Variants in ITPR2 observed in about 807,000 individuals in gnomAD.
The protein encoded by ITPR2 is inositol 1,4,5-trisphosphate-gated calcium channel ITPR2.
ITPR2 carries 207 observed loss-of-function variants against 317.1 expected under a neutral mutation model. That is an observed-to-expected ratio of 0.65 (90% confidence interval 0.58 to 0.73). The LOEUF (loss-of-function observed/expected upper bound fraction) is 0.73, where lower values mean the gene tolerates loss of function less well. ITPR2 is among the 30% of genes least tolerant of loss of function. ITPR2 has a pLI of 0.00. For missense variants in ITPR2, 2,613 were observed against 3,284.0 expected (o/e 0.80, Z 4.99); for synonymous variants, 1,156 against 1,149.1 (o/e 1.01, Z -0.12).
chr12:26,336,916 T>C lies in ITPR2; in HGVS notation c.*2481A>G, dbSNP rs1429464767. The C allele has an allele frequency of 6.6e-6, 1 of 152,008 alleles. No individual in the cohort carries two copies. The highest frequency in any genetic ancestry group is 1.5e-5 in the Non-Finnish European group (1 of 68,002). The allele number at this position is 152,008 out of a possible 1,614,324, so 9.4% of individuals were successfully genotyped here. On this transcript the variant is annotated 3_prime_UTR_variant, in exon 57 of 57. Coordinates refer to ENST00000381340, the MANE Select transcript of ITPR2 (RefSeq NM_002223.4). ...CAAATTTCCCCATTATCTTCTCCTC[T>C]TCTTCATTAGGAATTTGATGTTCTG...
intron 9 of ITPR2, among the ~76,000 whole-genome samples, chr12:26,700,730 G>C (rs942818299): frequency 6.6e-6 from 1 of 152,180 alleles, no homozygotes; most frequent in African/African-American, 2.4e-5. Context: ...CAAGGGGACA[G>C]AGGATGAAAA....
chr12:26,372,578 C>G (rs910101218), intron 55 of ITPR2, among the ~76,000 whole-genome samples: 1 of 152,180 alleles, frequency 6.6e-6, no homozygotes, highest in African/African-American at 2.4e-5. Context: ...CACAACAGCA[C>G]CCCTTCCATT....
chr12:26,813,944 C>A (rs1006352044), intron 1 of ITPR2, among the ~76,000 whole-genome samples: 2 of 152,176 alleles, frequency 1.3e-5, no homozygotes, highest in African/African-American at 4.8e-5. Context: ...CTCCGCCTAT[C>A]CATCATCCAC....
chr12:26,720,673 C>G (rs1161089484), intron 5 of ITPR2, among the ~76,000 whole-genome samples: 1 of 152,192 alleles, frequency 6.6e-6, no homozygotes, highest in Non-Finnish European at 1.5e-5. Flanking sequence ...CTTTCTGAAG[C>G]ACATCCAGAT....
chr12:26,532,369 AT>A (rs1943966353), intron 37 of ITPR2, among the ~76,000 whole-genome samples: 1 of 152,110 alleles, frequency 6.6e-6, no homozygotes, highest in Non-Finnish European at 1.5e-5. Flanking sequence ...GAAAAGGGAC[AT>A]TTTTCAATGA....
chr12:26,346,765 T>A (rs1938324852), intron 55 of ITPR2, among the ~76,000 whole-genome samples: 1 of 152,098 alleles, frequency 6.6e-6, no homozygotes, highest in Non-Finnish European at 1.5e-5. Context: ...TGTTTTAGCT[T>A]ACCAAAAAAC....
chr12:26,423,407 T>C (rs1042435176), intron 49 of ITPR2, among the ~76,000 whole-genome samples: 1 of 152,184 alleles, frequency 6.6e-6, no homozygotes, highest in African/African-American at 2.4e-5. Context: ...ACTAGCTATC[T>C]GCTAAACTCC....
intron 54 of ITPR2, among the ~76,000 whole-genome samples, chr12:26,393,261 C>T (rs1939901390): frequency 6.6e-6 from 1 of 152,218 alleles, no homozygotes; most frequent in Non-Finnish European, 1.5e-5. Flanking sequence ...TCCAACTTTA[C>T]CAGGAACCAT....
intron 8 of ITPR2, among the ~76,000 whole-genome samples, chr12:26,712,601 G>A (rs944412393): frequency 9.9e-5 from 15 of 151,642 alleles, no homozygotes; most frequent in South Asian, 6.3e-4. Context: ...AGATATCTGC[G>A]AGAATGTGAT....
intron 37 of ITPR2, among the ~76,000 whole-genome samples, chr12:26,516,768 T>C (rs1299761825): frequency 6.6e-6 from 1 of 151,928 alleles, no homozygotes; most frequent in Non-Finnish European, 1.5e-5. Flanking sequence ...GAATAAATAA[T>C]TGGAAGGGAC....
chr12:26,596,835 A>G (rs1591943962), intron 31 of ITPR2, 48 bp downstream of exon 31: 4 of 1,480,350 alleles, frequency 2.7e-6, no homozygotes, highest in South Asian at 1.5e-5. Flanking sequence ...TAAACTTCAA[A>G]AATTAATAAT....
intron 1 of ITPR2, among the ~76,000 whole-genome samples, chr12:26,803,052 T>C (rs770893633): frequency 6.6e-6 from 1 of 152,220 alleles, no homozygotes; most frequent in Non-Finnish European, 1.5e-5. Flanking sequence ...CCCATTCTGT[T>C]TCTAAAATAT....
intron 9 of ITPR2, among the ~76,000 whole-genome samples, chr12:26,698,128 A>C (rs569754537): frequency 6.6e-6 from 1 of 152,214 alleles, no homozygotes; most frequent in African/African-American, 2.4e-5. Context: ...AACAATAATC[A>C]AAGATAATAG....
chr12:26,428,325 G>A (rs923216566), intron 48 of ITPR2, among the ~76,000 whole-genome samples: 4 of 152,042 alleles, frequency 2.6e-5, no homozygotes, highest in African/African-American at 9.7e-5. Flanking sequence ...ACTAGTTAAT[G>A]TTCCTTTTAT....
intron 55 of ITPR2, among the ~76,000 whole-genome samples, chr12:26,382,125 C>A (rs1939527196): frequency 6.6e-6 from 1 of 152,236 alleles, no homozygotes; most frequent in East Asian, 1.9e-4. Flanking sequence ...TCCTTTCATA[C>A]CTTTTCCTCT....
chr12:26,795,918 A>T (rs963083994), intron 1 of ITPR2, among the ~76,000 whole-genome samples: 2 of 149,148 alleles, frequency 1.3e-5, no homozygotes, highest in African/African-American at 4.9e-5. Flanking sequence ...CAGGAGGCAG[A>T]GGTTGCAGTG....
intron 1 of ITPR2, among the ~76,000 whole-genome samples, chr12:26,804,630 C>T (rs954414629): frequency 1.3e-5 from 2 of 152,096 alleles, no homozygotes; most frequent in Admixed American, 6.5e-5. Context: ...ATATTTTTTC[C>T]AACCCCTGGA....
At position 26,621,269 on chromosome 12, in the gene ITPR2, C is replaced by T; in HGVS notation, c.3316G>A (p.Val1106Ile). ...GCCTTGATTTGCTTGTAGTTATCTACGTCTTGATTAGACACCAGTAATTGC... is the reference window on the plus strand; with the variant it reads ...GCCTTGATTTGCTTGTAGTTATCTATGTCTTGATTAGACACCAGTAATTGC... ...QVQLLVSNQD[V>I]DNYKQIKADL... is the part of the protein sequence containing the mutation. The change falls in exon 26 of 57, where the codon GTA (valine) becomes ATA (isoleucine). Residue 1106 changes from valine (V) to isoleucine (I), a missense_variant. Physicochemically the swap from Val to Ile is conservative, Grantham distance 29 (BLOSUM62 3). Transcript: ENST00000381340. The T allele has an allele frequency of 1.2e-6, 2 of 1,612,496 alleles. No individual in the cohort carries two copies. Among genetic ancestry groups the T allele is most frequent in the Non-Finnish European group, 1.7e-6 (2 of 1,179,324 alleles).
At chr12:26,360,909 T>C (rs1938806480) in intron 55 of ITPR2, among the ~76,000 whole-genome samples, 1 of 152,130 alleles carries the variant, frequency 6.6e-6, no homozygotes, top group African/African-American at 2.4e-5. Context: ...GGGTACTTAT[T>C]GAGAACTAAC....
Sources: gnomAD v4.1 joint callset for allele counts (sites outside exome capture counted in the v4.1 genomes callset) on GRCh38, gnomAD v4.1.1 for gene constraint, MANE v1.5 for transcripts, NCBI Gene and HGNC (gene_info 2026-07-23, HGNC 2026-07-21) for gene names.